Variants in CPSF4 observed in about 807,000 individuals in gnomAD.
CPSF4 encodes the protein cleavage and polyadenylation specificity factor subunit 4.
A neutral mutation model predicts 37.7 loss-of-function variants in CPSF4; 11 were observed. The observed-to-expected ratio is 0.29, with a 90% CI of 0.18 to 0.48. CPSF4 has a LOEUF of 0.48. Among genes scored for constraint, CPSF4 ranks in the 20% least tolerant of loss-of-function variants. The probability of loss-of-function intolerance (pLI) is 0.99; values close to 1 mark genes in which losing one functional copy is unlikely to be tolerated. For missense variants in CPSF4, 144 were observed against 359.5 expected, an observed-to-expected ratio of 0.40 and a Z score of 4.85; for synonymous variants, 132 against 135.9, an observed-to-expected ratio of 0.97 and a Z score of 0.20.
chr7:99,442,992 T>G (rs746390722), intron 1 of CPSF4: 1 of 1,571,246 alleles, frequency 6.4e-7, no homozygotes, highest in Non-Finnish European at 8.8e-7. Flanking sequence ...CTTCCTCTTT[T>G]TCAGTTTCTT....
chr7:99,443,245 CT>C, intron 1 of CPSF4: 2 of 774,992 alleles, frequency 2.6e-6, no homozygotes, highest in Middle Eastern at 4.5e-4. Context: ...ATTTTCACCA[CT>C]TTCTTCTCTG....
rs1249204741 is a variant in CPSF4, at chr7:99,453,857, G to T, written c.571-109G>T. 1 of 1,055,912 alleles carries T rather than the reference G, an allele frequency of 9.5e-7. No homozygotes were observed. The highest frequency in any genetic ancestry group is 2.1e-5 in the Admixed American group (1 of 47,580). 65.4% of individuals were successfully genotyped at this position (1,055,912 alleles called of 1,614,324 possible). On this transcript the variant is annotated intron_variant, in intron 6 of 7. Coordinates refer to ENST00000292476, the MANE Select transcript of CPSF4 (RefSeq NM_006693.4). This position sits in a 1 kb window ranked among gnomAD's most constrained non-coding sequence, Gnocchi z 4.7. ...TGAGGTGGGCCGTCGTGGAAGCCCT[G>T]CTTCCTGCCGTTTGCGGGACGAGTC...
At chr7:99,442,421 C>G (rs1218022846) in intron 1 of CPSF4, among the ~76,000 whole-genome samples, 1 of 151,942 alleles carries the variant, frequency 6.6e-6, no homozygotes, top group Non-Finnish European at 1.5e-5. Flanking sequence ...CTTTGGGAGG[C>G]CGAGGCGGGC....
chr7:99,440,652 TGGC>T lies in CPSF4; in HGVS notation c.103+1468_103+1470del, dbSNP rs1434898458. Among the ~76,000 whole-genome samples the T allele has an allele frequency of 6.9e-3, 752 of 108,296 alleles. 28 individuals are homozygous for T. Among genetic ancestry groups the T allele is most frequent in the African/African-American group, 0.043 (724 of 16,832 alleles). 71.0% of individuals were successfully genotyped at this position (108,296 alleles called of 152,430 possible). A position where few individuals can be genotyped will look rare whatever the true frequency, so the allele number is the denominator to read the frequency against. ...GATTATAGGCATGAGCCACTGCACC[TGGC>T]ATATATATATATATATATATTTTTT... On this transcript the variant is annotated intron_variant, in intron 1 of 7. Transcript: ENST00000292476.
Position 99,440,676 on chromosome 7 carries a change from T to TATA in CPSF4, c.103+1491_103+1492insATA, listed in dbSNP as rs1562852973. Among the ~76,000 whole-genome samples the TATA allele has an allele frequency of 7.9e-3, 493 of 62,042 alleles. 3 individuals are homozygous for TATA. Among genetic ancestry groups the TATA allele is most frequent in the South Asian group, 0.012 (20 of 1,686 alleles). The allele number at this position is 62,042 out of a possible 152,430, so 40.7% of individuals were successfully genotyped here. On this transcript the variant is annotated intron_variant, in intron 1 of 7. Transcript: ENST00000292476. ...CTGGCATATATATATATATATATAT[T>TATA]TTTTTTTTTTTTTTTTTCCTGCCTG...
intron 2 of CPSF4, among the ~76,000 whole-genome samples, chr7:99,445,205 C>T (rs1797382054): frequency 6.6e-6 from 1 of 152,168 alleles, no homozygotes; most frequent in African/African-American, 2.4e-5. Context: ...CCATAGTTTC[C>T]ACTGGCTCAT....
chr7:99,447,676 G>A (rs146687094), intron 2 of CPSF4: 12,655 of 312,632 alleles, frequency 0.04, 303 homozygotes, highest in Admixed American at 0.061. Flanking sequence ...TGCAAGCTCC[G>A]CCTCCCGGGT....
chr7:99,448,458 T>TA lies in CPSF4; in HGVS notation c.307+185_307+186insA. On this transcript the variant is annotated intron_variant, in intron 3 of 7. Transcript: ENST00000292476. This position sits in a 1 kb window ranked among gnomAD's most constrained non-coding sequence, Gnocchi z 4.4. ...ACAGTGTGGCTATTTTCTGCTCATCTCTTTTTTTTTTTTTTTTTTTTTAAA... is the reference window on the plus strand; with the variant it reads ...ACAGTGTGGCTATTTTCTGCTCATCTACTTTTTTTTTTTTTTTTTTTTTAAA... 1.0e-5 allele frequency: 5 copies of TA among 477,402 alleles called. No individual in the cohort carries two copies. Among genetic ancestry groups the TA allele is most frequent in the South Asian group, 2.8e-5 (1 of 35,980 alleles). The allele number at this position is 477,402 out of a possible 1,614,324, so 29.6% of individuals were successfully genotyped here.
rs1222191148 is a variant in CPSF4 at position 99,439,107 on chromosome 7, G to A, written c.25G>A (p.Asp9Asn). 6.2e-6 allele frequency: 10 copies of A among 1,611,556 alleles called. No individual in the cohort carries two copies. Among genetic ancestry groups the A allele is most frequent in the East Asian group, 2.2e-5 (1 of 44,700 alleles). MQEIIASV[D>N]HIKFDLEIAV... The stretch of plus-strand genomic sequence containing the variant: ...CATGCAGGAAATCATCGCCAGCGTG[G>A]ACCACATCAAGTTTGACTTGGAGAT... The change falls in exon 1 of 8, where the codon GAC (aspartate) becomes AAC (asparagine). Residue 9 changes from aspartate to asparagine, a missense_variant. By Grantham distance (23) the Asp-to-Asn change is conservative. Transcript: ENST00000292476.
chr7:99,452,566 C>A, intron 6 of CPSF4, 126 bp downstream of exon 6: 1 of 821,060 alleles, frequency 1.2e-6, no homozygotes, highest in Non-Finnish European at 2.0e-6. Flanking sequence ...GGGAGTCTCC[C>A]AAGTTCCCGA....
rs1174651071 is a variant in CPSF4 at position 99,441,333 on chromosome 7, C to A, written c.103+2148C>A. The A allele has an allele frequency of 2.5e-5, 11 of 448,864 alleles. No individual in the cohort carries two copies. In the Admixed American group the frequency reaches 2.6e-4, roughly 11 times the overall value. The allele number at this position is 448,864 out of a possible 1,614,324, so 27.8% of individuals were successfully genotyped here. Reference sequence around the variant, plus strand: ...AGCTCTTTTCCTCCCACCCTTCTGCCATCTGACACATCCACAAGCCTGTGA... The same window carrying A: ...AGCTCTTTTCCTCCCACCCTTCTGCAATCTGACACATCCACAAGCCTGTGA... On this transcript the variant is annotated intron_variant, in intron 1 of 7. Transcript: ENST00000292476.
chr7:99,442,775 G>A (rs1388939472), intron 1 of CPSF4: 2 of 669,084 alleles, frequency 3.0e-6, no homozygotes, highest in Non-Finnish European at 5.4e-6. Flanking sequence ...TTTACCTGGG[G>A]TACCTGCTCC....
At chr7:99,454,506 G>A (rs771579639) in intron 7 of CPSF4, among the ~76,000 whole-genome samples, 7 of 152,136 alleles carry the variant, frequency 4.6e-5, no homozygotes, top group South Asian at 4.1e-4. Context: ...GGGCACACCC[G>A]AGAAAACAGG....
In CPSF4 at chr7:99,453,542, C is replaced by G. The variant is rs1798079636; in HGVS notation, c.571-424C>G. 6.5e-6 allele frequency: 1 copy of G among 155,000 alleles called. No homozygotes were observed. Among genetic ancestry groups the G allele is most frequent in the Non-Finnish European group, 1.4e-5 (1 of 70,086 alleles). The allele number at this position is 155,000 out of a possible 1,614,324, so 9.6% of individuals were successfully genotyped here. ...CTCCCTAGAGGAGGGTCCTCTCAGC[C>G]CGAGAACGCAGCTCAGTGTGTCAGG... On this transcript the variant is annotated intron_variant, in intron 6 of 7. Transcript: ENST00000292476. The surrounding 1 kb of genome is among the most constrained non-coding windows in gnomAD (Gnocchi z 4.7).
At chr7:99,447,461 G>A (rs1175415953) in intron 2 of CPSF4, among the ~76,000 whole-genome samples, 1 of 149,872 alleles carries the variant, frequency 6.7e-6, no homozygotes, top group African/African-American at 2.5e-5. Context: ...TAGTAGAGAT[G>A]GGGTTTCACC....
At chr7:99,455,285 C>T (rs1048109443) in intron 7 of CPSF4, among the ~76,000 whole-genome samples, 4 of 152,176 alleles carry the variant, frequency 2.6e-5, no homozygotes, top group Non-Finnish European at 5.9e-5. Flanking sequence ...CTGTGGGGTC[C>T]GACAGACATG....
In CPSF4 at chr7:99,444,769, CT is replaced by C; in HGVS notation, c.104-16del. 1 of 1,612,056 alleles carries C rather than the reference CT, an allele frequency of 6.2e-7. No homozygotes were observed. The highest frequency in any genetic ancestry group is 8.5e-7 in the Non-Finnish European group (1 of 1,178,618). Reference sequence around the variant, plus strand: ...AAATTGCACCTCTTTGATTCCTCTCCTTTTCTCTCCTTTCTACAGAGTCGGG... The same window carrying C: ...AAATTGCACCTCTTTGATTCCTCTCCTTTCTCTCCTTTCTACAGAGTCGGG... On this transcript the variant is annotated intron_variant, in intron 1 of 7. Coordinates refer to ENST00000292476, the MANE Select transcript of CPSF4 (RefSeq NM_006693.4).
At chr7:99,449,672 AG>A (rs1478270780) in intron 3 of CPSF4, among the ~76,000 whole-genome samples, 1 of 152,218 alleles carries the variant, frequency 6.6e-6, no homozygotes, top group African/African-American at 2.4e-5. Context: ...GGTAGCTGAT[AG>A]GCCATGAGAC....
chr7:99,449,528 G>A (rs1383678626), intron 3 of CPSF4, among the ~76,000 whole-genome samples: 5 of 152,224 alleles, frequency 3.3e-5, no homozygotes, highest in Non-Finnish European at 7.3e-5. Flanking sequence ...CCCTGGTGCA[G>A]GACGCACTGT....
Sources: allele counts gnomAD v4.1 joint callset (sites outside exome capture counted in the v4.1 genomes callset), GRCh38; gene constraint gnomAD v4.1.1; non-coding constraint Gnocchi (gnomAD v3.1); transcripts MANE v1.5; gene names NCBI Gene and HGNC (gene_info 2026-07-23, HGNC 2026-07-21).